The following SH3D19 variants were observed in gnomAD, a reference collection of about 807,000 sequenced individuals.
The protein encoded by SH3D19 is SH3 domain-containing protein 19.
In SH3D19, 58 loss-of-function variants were observed where a neutral mutation model predicts 112.1. That is an observed-to-expected ratio of 0.52 (90% confidence interval 0.42 to 0.64). SH3D19 has a LOEUF of 0.64. Among genes scored for constraint, SH3D19 ranks in the 30% least tolerant of loss-of-function variants. SH3D19 has a pLI of 0.00. For synonymous variants in SH3D19, 391 were observed against 448.5 expected (o/e 0.87, Z 1.62); for missense variants, 1,090 against 1,263.4 (o/e 0.86, Z 2.08).
chr4:151,320,426 G>A (rs1730421969), intron 1 of SH3D19, among the ~76,000 whole-genome samples: 1 of 152,148 alleles, frequency 6.6e-6, no homozygotes, highest in Non-Finnish European at 1.5e-5. Context: ...GCTTTTAGGG[G>A]ACAATAAAGG....
In SH3D19 at chr4:151,132,375, C is replaced by G. The variant is rs1311884338; in HGVS notation, c.2698G>C (p.Val900Leu). The G allele has an allele frequency of 1.2e-6, 2 of 1,613,328 alleles. No individual in the cohort carries two copies. The highest frequency in any genetic ancestry group is 2.7e-5 in the African/African-American group (2 of 74,826). The change falls in exon 17 of 20, where the codon GTA (valine) becomes CTA (leucine). Residue 900 changes from valine to leucine, a missense_variant. Physicochemically the swap from Val to Leu is conservative, Grantham distance 32. Transcript: ENST00000604030. ...TSGANVLSTK[V>L]PLKTKKEDSG... Reference sequence around the variant, plus strand: ...TCTTCTTTTTTGGTTTTCAGTGGTACCTTTGTGCCTACATTAAAAAAACAA... The same window carrying G: ...TCTTCTTTTTTGGTTTTCAGTGGTAGCTTTGTGCCTACATTAAAAAAACAA...
chr4:151,148,814 C>T (rs758481381), intron 10 of SH3D19, among the ~76,000 whole-genome samples: 4 of 151,860 alleles, frequency 2.6e-5, no homozygotes, highest in African/African-American at 4.8e-5. Context: ...CCCAGATGGA[C>T]GGATCATGAG....
intron 1 of SH3D19, among the ~76,000 whole-genome samples, chr4:151,320,574 A>G (rs1402065154): frequency 6.6e-6 from 1 of 152,230 alleles, no homozygotes; most frequent in African/African-American, 2.4e-5. Context: ...ACATCGAAAG[A>G]AACCATAGAG....
chr4:151,199,034 T>C (rs906421254), intron 2 of SH3D19, among the ~76,000 whole-genome samples: 6 of 151,364 alleles, frequency 4.0e-5, no homozygotes, highest in Non-Finnish European at 8.8e-5. Context: ...TTTTTTTTTT[T>C]TGCAAAGCCA....
At chr4:151,198,724 A>G (rs1485334356) in intron 2 of SH3D19, among the ~76,000 whole-genome samples, 2 of 152,100 alleles carry the variant, frequency 1.3e-5, no homozygotes, top group Non-Finnish European at 2.9e-5. Flanking sequence ...ATTCATAAAA[A>G]TGCATAAATT....
chr4:151,128,228 C>T lies in SH3D19; in HGVS notation c.2871G>A (p.Arg957=), dbSNP rs1292116066. 1 of 1,614,086 alleles carries T rather than the reference C, an allele frequency of 6.2e-7. No homozygotes were observed. The highest frequency in any genetic ancestry group is 1.1e-5 in the South Asian group (1 of 91,052). The change falls in exon 18 of 20, where the codon AGG becomes AGA. Residue 957 remains arginine (R), a synonymous_variant. Transcript: ENST00000604030. ...TCCCCTCCCTGTCCTGCAGTCTGCC[C>T]CTGCACCAGTCAGAATCCAGACGTT... The part of the protein sequence containing the change: ...ILERLDSDWC[R]GRLQDREGIF...
intron 1 of SH3D19, among the ~76,000 whole-genome samples, chr4:151,230,554 A>C (rs1447416542): frequency 6.6e-6 from 1 of 152,030 alleles, no homozygotes; most frequent in Non-Finnish European, 1.5e-5. Context: ...ATGAATATAC[A>C]CAGATATACT....
intron 1 of SH3D19, chr4:151,226,448 A>T: frequency 1.0e-6 from 1 of 997,070 alleles, no homozygotes; most frequent in Non-Finnish European, 1.2e-6. Context: ...AGCTCAAAAA[A>T]ATCATTCCAT....
chr4:151,237,386 A>C (rs1770186872), intron 1 of SH3D19, among the ~76,000 whole-genome samples: 1 of 152,230 alleles, frequency 6.6e-6, no homozygotes, highest in Non-Finnish European at 1.5e-5. Context: ...TCAGAATAAC[A>C]GCTTACATAA....
chr4:151,132,383 C>T lies in SH3D19; in HGVS notation c.2690G>A (p.Ser897Asn), dbSNP rs758515056. The T allele has an allele frequency of 1.7e-5, 27 of 1,612,898 alleles. No homozygotes were observed. The highest frequency in any genetic ancestry group is 2.2e-5 in the Non-Finnish European group (26 of 1,179,574). The change falls in exon 17 of 20, where the codon AGC becomes AAC. Residue 897 changes from serine to asparagine, a missense_variant and splice_region_variant. Physicochemically the swap from Ser to Asn is conservative, Grantham distance 46. Transcript: ENST00000604030. ...DYPTSGANVL[S>N]TKVPLKTKKE... is the part of the protein sequence containing the mutation. ...TTTGGTTTTCAGTGGTACCTTTGTG[C>T]CTACATTAAAAAAACAAACAAACAC...
chr4:151,284,591 C>T (rs1366545632), intron 1 of SH3D19, among the ~76,000 whole-genome samples: 1 of 152,156 alleles, frequency 6.6e-6, no homozygotes, highest in African/African-American at 2.4e-5. Context: ...CCAACAATTG[C>T]TTTTTCTCAT....
chr4:151,273,828 A>C (rs577929892), intron 1 of SH3D19, among the ~76,000 whole-genome samples: 1 of 152,328 alleles, frequency 6.6e-6, no homozygotes, highest in Non-Finnish European at 1.5e-5. Context: ...TAAGTGAGTT[A>C]ACTCAATAGC....
chr4:151,233,233 T>A (rs1769753115), intron 1 of SH3D19, among the ~76,000 whole-genome samples: 1 of 151,870 alleles, frequency 6.6e-6, no homozygotes, highest in African/African-American at 2.4e-5. Flanking sequence ...GTGAGTTGTA[T>A]AATTATTATA....
intron 1 of SH3D19, among the ~76,000 whole-genome samples, chr4:151,260,371 T>C (rs995428169): frequency 1.3e-5 from 2 of 152,188 alleles, no homozygotes; most frequent in African/African-American, 4.8e-5. Context: ...TTTACCACCA[T>C]CACTGTCCCC....
rs1759659191 is a variant in SH3D19, at chr4:151,174,756, A to T, written c.1448T>A (p.Ile483Asn). ...ATCATCATCAAAGCTGATGAGATCG[A>T]TGTCCACCAAGGGCTTGCTCTGCAG... Reference protein sequence around the residue: ...PVLQSKPLVDIDLISFDDDVL... With the variant: ...PVLQSKPLVDNDLISFDDDVL... Residue 483 changes from isoleucine (I) to asparagine (N), a missense_variant, in exon 7 of 20, where the codon ATC becomes AAC. Transcript: ENST00000604030. 1 of 1,532,364 alleles carries T rather than the reference A, an allele frequency of 6.5e-7. No homozygotes were observed. Among genetic ancestry groups the T allele is most frequent in the Admixed American group, 2.2e-5 (1 of 45,378 alleles). The allele number at this position is 1,532,364 out of a possible 1,614,324, so 94.9% of individuals were successfully genotyped here. A position where few individuals can be genotyped will look rare whatever the true frequency, so the allele number is the denominator to read the frequency against.
intron 8 of SH3D19, among the ~76,000 whole-genome samples, chr4:151,161,958 T>C (rs1002701627): frequency 2.6e-5 from 4 of 151,890 alleles, no homozygotes; most frequent in Admixed American, 1.3e-4. Flanking sequence ...TGAGCCTTTA[T>C]TTTTATGTAT....
chr4:151,294,262 G>C (rs1037697291), intron 1 of SH3D19, among the ~76,000 whole-genome samples: 2 of 152,132 alleles, frequency 1.3e-5, no homozygotes, highest in Admixed American at 1.3e-4. Flanking sequence ...TGTTTATGGA[G>C]GTAGCCCAGA....
chr4:151,236,566 G>A (rs527650577), intron 1 of SH3D19, among the ~76,000 whole-genome samples: 15 of 152,072 alleles, frequency 9.9e-5, no homozygotes, highest in East Asian at 1.9e-4. Context: ...AGCACTCTGC[G>A]TCTAGCTAAA....
At chr4:151,251,774 G>A (rs1771427974) in intron 1 of SH3D19, among the ~76,000 whole-genome samples, 1 of 152,102 alleles carries the variant, frequency 6.6e-6, no homozygotes, top group Non-Finnish European at 1.5e-5. Flanking sequence ...CAGCACTGGT[G>A]AACACACAAC....
Sources: allele counts gnomAD v4.1 joint callset (sites outside exome capture counted in the v4.1 genomes callset), GRCh38; gene constraint gnomAD v4.1.1; transcripts MANE v1.5; gene names NCBI Gene and HGNC (gene_info 2026-07-23, HGNC 2026-07-21).